The following NKAIN2 variants were observed in gnomAD, a reference collection of about 807,000 sequenced individuals.
NKAIN2 encodes sodium/potassium-transporting ATPase subunit beta-1-interacting protein 2.
A neutral mutation model predicts 32.6 loss-of-function variants in NKAIN2; 14 were observed. The ratio of observed to expected loss-of-function variants is 0.43; its 90% CI spans 0.28 to 0.67. The LOEUF is 0.67. Among genes scored for constraint, NKAIN2 ranks in the 30% least tolerant of loss-of-function variants. The probability of loss-of-function intolerance (pLI) is 0.17; values close to 1 mark genes in which losing one functional copy is unlikely to be tolerated. For synonymous variants in NKAIN2, 80 were observed against 87.2 expected (o/e 0.92, Z 0.46); for missense variants, 198 against 258.3 (o/e 0.77, Z 1.60).
intron 1 of NKAIN2, among the ~76,000 whole-genome samples, chr6:123,953,298 C>T (rs1428475360): frequency 1.3e-5 from 2 of 152,086 alleles, no homozygotes; most frequent in Non-Finnish European, 2.9e-5. Flanking sequence ...CCTTAGGCCC[C>T]AGGGTGGCGT....
chr6:124,522,726 A>T (rs767740334), intron 3 of NKAIN2, among the ~76,000 whole-genome samples: 34 of 152,348 alleles, frequency 2.2e-4, no homozygotes, highest in African/African-American at 8.2e-4. Context: ...CTTTTAGTCC[A>T]TCACTTTAAA....
intron 6 of NKAIN2, among the ~76,000 whole-genome samples, chr6:124,820,568 T>C (rs556999796): frequency 6.6e-6 from 1 of 152,180 alleles, no homozygotes; most frequent in Non-Finnish European, 1.5e-5. Flanking sequence ...AGAAGTAACA[T>C]ACACTGCAAG....
intron 4 of NKAIN2, among the ~76,000 whole-genome samples, chr6:124,749,785 A>C (rs982376997): frequency 3.3e-5 from 5 of 151,884 alleles, no homozygotes; most frequent in African/African-American, 1.2e-4. Context: ...ATTAAATCCC[A>C]TTTATTTTGT....
rs577498383 is a variant in NKAIN2, at chr6:124,499,980, G to A, written c.273+144633G>A. On this transcript the variant is annotated intron_variant, in intron 3 of 6. Coordinates refer to ENST00000368417, the MANE Select transcript of NKAIN2 (RefSeq NM_001040214.3). ...CTGAAAGTAGTAGTATACATTATGC[G>A]GAAAATAGTCCATGTGCAATAAATA... is the stretch of plus-strand genomic sequence containing the variant. 5.3e-5 allele frequency among the ~76,000 whole-genome samples: 8 copies of A among 152,086 alleles called. No homozygotes were observed. In the East Asian group the frequency reaches 9.7e-4, roughly 18 times the overall value.
intron 3 of NKAIN2, among the ~76,000 whole-genome samples, chr6:124,478,133 C>A (rs904213305): frequency 6.6e-6 from 1 of 152,068 alleles, no homozygotes; most frequent in African/African-American, 2.4e-5. Flanking sequence ...CCCTTCTCTT[C>A]AAGAATGCAT....
intron 3 of NKAIN2, among the ~76,000 whole-genome samples, chr6:124,497,916 T>G (rs1583340459): frequency 2.0e-5 from 3 of 151,504 alleles, no homozygotes; most frequent in Non-Finnish European, 2.9e-5. Context: ...TTTCATTCTG[T>G]AGGGGCTTTG....
At chr6:123,998,476 C>G (rs542179784) in intron 1 of NKAIN2, among the ~76,000 whole-genome samples, 7 of 152,122 alleles carry the variant, frequency 4.6e-5, no homozygotes, top group Admixed American at 1.3e-4. Context: ...TGTGCTGTGA[C>G]GTTTGAAATC....
chr6:124,751,769 A>G (rs1160238361), intron 4 of NKAIN2, among the ~76,000 whole-genome samples: 2 of 151,686 alleles, frequency 1.3e-5, no homozygotes, highest in East Asian at 1.9e-4. Context: ...GCTTGAGCCC[A>G]GGAGTTGGAG....
intron 1 of NKAIN2, among the ~76,000 whole-genome samples, chr6:124,166,383 A>G (rs1788543257): frequency 6.6e-6 from 1 of 151,920 alleles, no homozygotes; most frequent in African/African-American, 2.4e-5. Flanking sequence ...TTTCTTGTAA[A>G]TTGGTTGGAG....
At chr6:124,344,541 C>A (rs1410760685) in intron 2 of NKAIN2, among the ~76,000 whole-genome samples, 2 of 151,470 alleles carry the variant, frequency 1.3e-5, no homozygotes, top group Non-Finnish European at 1.5e-5. Context: ...TTGAAGAGGT[C>A]CTTCACGTCC....
intron 1 of NKAIN2, among the ~76,000 whole-genome samples, chr6:124,130,979 T>C (rs1240605416): frequency 1.3e-5 from 2 of 152,178 alleles, no homozygotes; most frequent in African/African-American, 4.8e-5. Context: ...CTTGGCCTGG[T>C]GTCTGTTGAG....
At chr6:124,803,758 T>G (rs944238917) in intron 5 of NKAIN2, among the ~76,000 whole-genome samples, 8 of 152,170 alleles carry the variant, frequency 5.3e-5, no homozygotes, top group Admixed American at 1.3e-4. Flanking sequence ...AAGTTCTCTC[T>G]TTTGAGCCTT....
intron 3 of NKAIN2, among the ~76,000 whole-genome samples, chr6:124,464,004 A>C (rs2114654349): frequency 6.6e-6 from 1 of 152,154 alleles, no homozygotes; most frequent in African/African-American, 2.4e-5. Context: ...ATGCTTTGTG[A>C]CAAAGTCTTA....
intron 3 of NKAIN2, among the ~76,000 whole-genome samples, chr6:124,567,994 T>C (rs187669605): frequency 2.0e-5 from 3 of 152,252 alleles, no homozygotes; most frequent in East Asian, 3.9e-4. Context: ...TTCTAGTCAT[T>C]TGAGCTCTGG....
chr6:123,924,178 G>A (rs1419337575), intron 1 of NKAIN2, among the ~76,000 whole-genome samples: 2 of 152,082 alleles, frequency 1.3e-5, no homozygotes, highest in African/African-American at 4.8e-5. Flanking sequence ...TAGCCTATTG[G>A]GTAGGTGATA....
At chr6:124,620,676 C>G (rs190466447) in intron 3 of NKAIN2, among the ~76,000 whole-genome samples, 97 of 152,290 alleles carry the variant, frequency 6.4e-4, no homozygotes, top group Middle Eastern at 3.4e-3. Flanking sequence ...GTCCGTTGGC[C>G]TGTCTCATAT....
At chr6:124,795,162 G>A (rs545495314) in intron 5 of NKAIN2, among the ~76,000 whole-genome samples, 9 of 152,308 alleles carry the variant, frequency 5.9e-5, no homozygotes, top group African/African-American at 2.2e-4. Flanking sequence ...ATTACTAAGA[G>A]CCTTATGAGG....
chr6:124,286,056 T>C (rs1795524305), intron 2 of NKAIN2, among the ~76,000 whole-genome samples: 1 of 152,122 alleles, frequency 6.6e-6, no homozygotes, highest in Non-Finnish European at 1.5e-5. Context: ...AAATATAAAA[T>C]AATTTGATAC....
At chr6:123,989,246 G>T (rs1779309576) in intron 1 of NKAIN2, among the ~76,000 whole-genome samples, 2 of 152,074 alleles carry the variant, frequency 1.3e-5, no homozygotes, top group Admixed American at 6.5e-5. Flanking sequence ...CAAATCAGGT[G>T]GTTTACAATT....
Sources: allele counts gnomAD v4.1 joint callset (sites outside exome capture counted in the v4.1 genomes callset), GRCh38; gene constraint gnomAD v4.1.1; transcripts MANE v1.5; gene names NCBI Gene and HGNC (gene_info 2026-07-23, HGNC 2026-07-21).